CYREN: variants seen among roughly 807,000 people sequenced by gnomAD.
CYREN encodes the protein cell cycle regulator of NHEJ, also known as cell cycle regulator of non-homologous end joining.
In CYREN, 7 loss-of-function variants were observed where a neutral mutation model predicts 9.7. The ratio of observed to expected loss-of-function variants is 0.72; its 90% CI spans 0.41 to 1.36. The LOEUF (loss-of-function observed/expected upper bound fraction) is 1.36, where lower values mean the gene tolerates loss of function less well. Ranked by LOEUF, CYREN falls within the 40% of genes most tolerant of loss-of-function variation. CYREN has a pLI of 0.01. For synonymous variants in CYREN, 76 were observed against 77.9 expected, an observed-to-expected ratio of 0.98 and a Z score of 0.13; for missense variants, 215 against 198.1, an observed-to-expected ratio of 1.09 and a Z score of -0.51.
At chr7:135,170,541 C>T (rs150287758) in intron 1 of CYREN, 111 bp downstream of exon 1, 2,092 of 152,482 alleles carry the variant, frequency 0.014, 32 homozygotes, top group Non-Finnish European at 0.02. Context: ...CTCCGGCCGG[C>T]TACTGGCTTC....
intron 2 of CYREN, among the ~76,000 whole-genome samples, chr7:135,150,659 ACT>A (rs1829647068): frequency 6.6e-6 from 1 of 152,142 alleles, no homozygotes; most frequent in African/African-American, 2.4e-5. Flanking sequence ...TGATTCTCAA[ACT>A]CTGAATCTTG....
intron 2 of CYREN, chr7:135,129,017 C>T (rs1238240098): frequency 1.8e-5 from 29 of 1,606,818 alleles, no homozygotes; most frequent in Non-Finnish European, 2.0e-5. Flanking sequence ...TGAAGGACTA[C>T]TTTGAAATCC....
chr7:135,114,254 A>G (rs1323472240), intron 2 of CYREN, among the ~76,000 whole-genome samples: 2 of 152,142 alleles, frequency 1.3e-5, no homozygotes, highest in African/African-American at 4.8e-5. Flanking sequence ...CCTATTTTTA[A>G]TTATTGAGGA....
At chr7:135,156,032 GT>G (rs34544342) in intron 2 of CYREN, among the ~76,000 whole-genome samples, 72,949 of 149,112 alleles carry the variant, frequency 0.49, 17,925 homozygotes, top group South Asian at 0.66. Context: ...CAGACACACT[GT>G]TTTTTTTTTT....
At chr7:135,159,376 G>A (rs752799082) in intron 2 of CYREN, among the ~76,000 whole-genome samples, 2 of 152,128 alleles carry the variant, frequency 1.3e-5, no homozygotes, top group Admixed American at 6.5e-5. Context: ...TCTTTCAGCC[G>A]CCATCCCATT....
intron 2 of CYREN, among the ~76,000 whole-genome samples, chr7:135,158,508 C>T (rs1042126209): frequency 6.6e-6 from 1 of 152,218 alleles, no homozygotes. Context: ...CACAGCAGCC[C>T]ATGGCAGGGC....
downstream of CYREN, chr7:135,165,224 C>T (rs1830063619): frequency 1.9e-6 from 1 of 513,786 alleles, no homozygotes; most frequent in Non-Finnish European, 3.5e-6. Context: ...TTCCAAGGCT[C>T]CCAAAGACTC....
chr7:135,142,887 A>C (rs1829479356), intron 2 of CYREN, among the ~76,000 whole-genome samples: 1 of 152,218 alleles, frequency 6.6e-6, no homozygotes, highest in Non-Finnish European at 1.5e-5. Context: ...TCAAGATGTC[A>C]GTTCTTTCCA....
downstream of CYREN, chr7:135,165,724 C>CA (rs1252869015): frequency 6.0e-6 from 1 of 167,138 alleles, no homozygotes; most frequent in Non-Finnish European, 1.5e-5. Flanking sequence ...TGCACACAAA[C>CA]AAACGCTGCC....
At chr7:135,157,393 A>G (rs140973294) in intron 2 of CYREN, among the ~76,000 whole-genome samples, 1 of 152,336 alleles carries the variant, frequency 6.6e-6, no homozygotes, top group East Asian at 1.9e-4. Context: ...GCTGAGACTA[A>G]GTCCCCAGAA....
At chr7:135,117,720 T>C (rs746302634) in intron 2 of CYREN, among the ~76,000 whole-genome samples, 1 of 152,246 alleles carries the variant, frequency 6.6e-6, no homozygotes, top group Non-Finnish European at 1.5e-5. Flanking sequence ...GCTTGCTGCT[T>C]TCCTACTTTT....
intron 2 of CYREN, among the ~76,000 whole-genome samples, chr7:135,149,626 T>C (rs1421674894): frequency 5.3e-5 from 8 of 152,348 alleles, no homozygotes; most frequent in Admixed American, 3.3e-4. Context: ...TTTGTACAAA[T>C]GTTCACATCC....
At chr7:135,101,353 C>T in intron 2 of CYREN, 3 of 408,514 alleles carry the variant, frequency 7.3e-6, no homozygotes, top group South Asian at 5.3e-5. Flanking sequence ...TTAACATATC[C>T]TATGAAACTT....
At chr7:135,101,497 TA>T (rs112646093) in intron 2 of CYREN, among the ~76,000 whole-genome samples, 28 of 148,892 alleles carry the variant, frequency 1.9e-4, no homozygotes, top group South Asian at 6.3e-4. Context: ...AATATAGCCT[TA>T]AAAAAAAAAC....
chr7:135,128,170 T>C (rs1186016423), intron 2 of CYREN, among the ~76,000 whole-genome samples: 2 of 151,622 alleles, frequency 1.3e-5, no homozygotes, highest in Non-Finnish European at 2.9e-5. Context: ...TGAGTGCCTG[T>C]AGTCCCAGCT....
intron 2 of CYREN, among the ~76,000 whole-genome samples, chr7:135,130,290 T>C (rs1828549632): frequency 1.3e-5 from 2 of 152,222 alleles, no homozygotes; most frequent in African/African-American, 4.8e-5. Context: ...TGGAAATTTA[T>C]AATAATTTAA....
At chr7:135,106,425 G>C (rs1369519573) in intron 2 of CYREN, among the ~76,000 whole-genome samples, 1 of 152,152 alleles carries the variant, frequency 6.6e-6, no homozygotes, top group Admixed American at 6.5e-5. Flanking sequence ...TAACATGGAG[G>C]AATGTTGAAT....
chr7:135,103,674 A>G (rs1268957670), intron 2 of CYREN, among the ~76,000 whole-genome samples: 1 of 152,208 alleles, frequency 6.6e-6, no homozygotes, highest in Non-Finnish European at 1.5e-5. Context: ...AATAATAGAT[A>G]TCTGTAGTCA....
chr7:135,112,108 T>C (rs1192350520), intron 2 of CYREN, among the ~76,000 whole-genome samples: 1 of 152,216 alleles, frequency 6.6e-6, no homozygotes, highest in Non-Finnish European at 1.5e-5. Flanking sequence ...GCTCTATCCA[T>C]TCTACCTCTA....
Sources: gnomAD v4.1 joint callset for allele counts (sites outside exome capture counted in the v4.1 genomes callset) on GRCh38, gnomAD v4.1.1 for gene constraint, MANE v1.5 for transcripts, NCBI Gene and HGNC (gene_info 2026-07-23, HGNC 2026-07-21) for gene names.